The following ATXN7L1 variants were observed in gnomAD, a reference collection of about 807,000 sequenced individuals.
ATXN7L1 encodes the protein ataxin 7 like 1.
A neutral mutation model predicts 70.8 loss-of-function variants in ATXN7L1; 15 were observed. The ratio of observed to expected loss-of-function variants is 0.21; its 90% confidence interval spans 0.14 to 0.33. ATXN7L1 has a LOEUF of 0.33. Among genes scored for constraint, ATXN7L1 ranks in the 10% least tolerant of loss-of-function variants. The probability of loss-of-function intolerance (pLI) is 1.00; values close to 1 mark genes in which losing one functional copy is unlikely to be tolerated. For synonymous variants in ATXN7L1, 440 were observed against 445.1 expected (o/e 0.99, Z 0.14); for missense variants, 975 against 1,097.1 (o/e 0.89, Z 1.57).
intron 7 of ATXN7L1, among the ~76,000 whole-genome samples, chr7:105,626,518 C>G (rs1358852080): frequency 6.6e-6 from 1 of 152,120 alleles, no homozygotes; most frequent in South Asian, 2.1e-4. Flanking sequence ...CAAAACAAGG[C>G]CACATGTAGT....
At chr7:105,753,612 A>T (rs1799456486) in intron 3 of ATXN7L1, among the ~76,000 whole-genome samples, 1 of 152,176 alleles carries the variant, frequency 6.6e-6, no homozygotes, top group Non-Finnish European at 1.5e-5. Flanking sequence ...TTTATTATTT[A>T]TGCTCTCCCT....
chr7:105,738,020 C>G (rs979807352), intron 3 of ATXN7L1, among the ~76,000 whole-genome samples: 1 of 152,188 alleles, frequency 6.6e-6, no homozygotes, highest in Admixed American at 6.5e-5. Context: ...CAACATGGAG[C>G]AGACACGAAT....
At chr7:105,696,916 G>A (rs1051281719) in intron 3 of ATXN7L1, among the ~76,000 whole-genome samples, 1 of 152,150 alleles carries the variant, frequency 6.6e-6, no homozygotes, top group East Asian at 1.9e-4. Flanking sequence ...CTGGGCGTCC[G>A]GGGGAGACAT....
At chr7:105,798,060 G>A (rs1254357411) in intron 2 of ATXN7L1, among the ~76,000 whole-genome samples, 4 of 152,180 alleles carry the variant, frequency 2.6e-5, no homozygotes, top group African/African-American at 9.7e-5. Context: ...TAATATCCAT[G>A]CTGCTATCTA....
chr7:105,769,771 T>C (rs537927270), intron 3 of ATXN7L1, among the ~76,000 whole-genome samples: 1 of 152,314 alleles, frequency 6.6e-6, no homozygotes, highest in African/African-American at 2.4e-5. Context: ...TAGGGATTTA[T>C]AGCCTGGGCA....
In ATXN7L1 at chr7:105,775,985, G is replaced by A. The variant is rs191456225; in HGVS notation, c.355+12619C>T. Among the ~76,000 whole-genome samples the A allele has an allele frequency of 2.0e-3, 304 of 152,258 alleles. 1 individual carries two copies. Among genetic ancestry groups the A allele is most frequent in the Admixed American group, 3.7e-3 (57 of 15,296 alleles). ...GCATCTACCCAAACCCTTGTTCTTC[G>A]TATGGGCTCACTGTTCCAGAGAAAG... On this transcript the variant is annotated intron_variant, in intron 3 of 11. Coordinates refer to ENST00000419735, the MANE Select transcript of ATXN7L1 (RefSeq NM_020725.2).
chr7:105,625,770 A>G (rs1795615161), intron 7 of ATXN7L1, among the ~76,000 whole-genome samples: 1 of 152,214 alleles, frequency 6.6e-6, no homozygotes, highest in South Asian at 2.1e-4. Context: ...AAACAAAACA[A>G]CACAAGGCAA....
chr7:105,795,992 GA>G (rs892308883), intron 2 of ATXN7L1, among the ~76,000 whole-genome samples: 1 of 152,122 alleles, frequency 6.6e-6, no homozygotes, highest in African/African-American at 2.4e-5. Flanking sequence ...GTACTGTAAT[GA>G]AAAAAATTGG....
intron 3 of ATXN7L1, among the ~76,000 whole-genome samples, chr7:105,726,867 C>T (rs1378128767): frequency 6.6e-6 from 1 of 152,204 alleles, no homozygotes; most frequent in Non-Finnish European, 1.5e-5. Flanking sequence ...TTTAGCATCA[C>T]TGACTGAAAG....
chr7:105,626,797 C>G (rs916212579), intron 7 of ATXN7L1, among the ~76,000 whole-genome samples: 3 of 152,168 alleles, frequency 2.0e-5, no homozygotes, highest in Admixed American at 6.5e-5. Context: ...AACTCTGCCA[C>G]CCAAGATCAA....
rs1024925558 is a variant in ATXN7L1, at chr7:105,606,573, C to T, written c.*1279G>A. 6.6e-6 allele frequency: 1 copy of T among 152,198 alleles called. No homozygotes were observed. Among genetic ancestry groups the T allele is most frequent in the African/African-American group, 2.4e-5 (1 of 41,450 alleles). 9.4% of individuals were successfully genotyped at this position (152,198 alleles called of 1,614,324 possible). A position where few individuals can be genotyped will look rare whatever the true frequency, so the allele number is the denominator to read the frequency against. ...TCCTGATTATGATTCCCTACTAGAGCTTATGGTATTGCTGTTTCTTTTAAA... is the reference window on the plus strand; with the variant it reads ...TCCTGATTATGATTCCCTACTAGAGTTTATGGTATTGCTGTTTCTTTTAAA... On this transcript the variant is annotated 3_prime_UTR_variant, in exon 12 of 12. Coordinates refer to ENST00000419735, the MANE Select transcript of ATXN7L1 (RefSeq NM_020725.2).
chr7:105,761,198 T>C (rs925125739), intron 3 of ATXN7L1: 85 of 1,421,988 alleles, frequency 6.0e-5, no homozygotes, highest in Non-Finnish European at 7.5e-5. Flanking sequence ...CCTGCTCTGC[T>C]CAAGCCCATT....
chr7:105,701,316 T>C (rs1469773692), intron 3 of ATXN7L1, among the ~76,000 whole-genome samples: 1 of 152,168 alleles, frequency 6.6e-6, no homozygotes, highest in Non-Finnish European at 1.5e-5. Context: ...AAAAAGCATG[T>C]TTCAAAGCAA....
chr7:105,652,563 AGCTGTAG>A (rs963322769), intron 4 of ATXN7L1, among the ~76,000 whole-genome samples: 1 of 152,136 alleles, frequency 6.6e-6, no homozygotes, highest in African/African-American at 2.4e-5. Flanking sequence ...CTGCTGTTCG[AGCTGTAG>A]GCTGCTCTGC....
chr7:105,642,338 G>A (rs964823262), intron 5 of ATXN7L1, among the ~76,000 whole-genome samples: 1 of 152,190 alleles, frequency 6.6e-6, no homozygotes, highest in Non-Finnish European at 1.5e-5. Context: ...AAACTCAACT[G>A]CAGAATTAAC....
intron 3 of ATXN7L1, among the ~76,000 whole-genome samples, chr7:105,675,394 G>C (rs1270834641): frequency 6.6e-6 from 1 of 152,172 alleles, no homozygotes; most frequent in Non-Finnish European, 1.5e-5. Context: ...AGGCCGAGGT[G>C]GGTGGATCAC....
intron 7 of ATXN7L1, among the ~76,000 whole-genome samples, chr7:105,636,461 C>T (rs866305114): frequency 1.8e-4 from 28 of 151,662 alleles, no homozygotes; most frequent in Non-Finnish European, 1.5e-5. Flanking sequence ...CCCCCACCCC[C>T]ACTTCTTTTC....
chr7:105,621,914 T>A (rs1267198561), intron 8 of ATXN7L1, among the ~76,000 whole-genome samples: 1 of 152,188 alleles, frequency 6.6e-6, no homozygotes, highest in Non-Finnish European at 1.5e-5. Flanking sequence ...CGCATTAAAA[T>A]CTTATCACCC....
intron 2 of ATXN7L1, among the ~76,000 whole-genome samples, chr7:105,816,147 G>A (rs1809157745): frequency 6.6e-6 from 1 of 152,054 alleles, no homozygotes; most frequent in Non-Finnish European, 1.5e-5. Context: ...TTCTTCTAAC[G>A]GGAAGTCAGT....
Sources: allele counts gnomAD v4.1 joint callset (sites outside exome capture counted in the v4.1 genomes callset), GRCh38; gene constraint gnomAD v4.1.1; transcripts MANE v1.5; gene names NCBI Gene and HGNC (gene_info 2026-07-23, HGNC 2026-07-21).